PPP4R3B: variants seen among roughly 807,000 people sequenced by gnomAD.
PPP4R3B encodes protein phosphatase 4 regulatory subunit 3B.
A neutral mutation model predicts 95.4 loss-of-function variants in PPP4R3B; 52 were observed. That is an observed-to-expected ratio of 0.54 (90% CI 0.44 to 0.69). PPP4R3B has a LOEUF of 0.69. Among genes scored for constraint, PPP4R3B ranks in the 30% least tolerant of loss-of-function variants. The pLI is 0.00. For missense variants in PPP4R3B, 1,003 were observed against 1,005.9 expected, an observed-to-expected ratio of 1.00 and a Z score of 0.04; for synonymous variants, 407 against 343.9, an observed-to-expected ratio of 1.18 and a Z score of -2.03.
At chr2:55,563,795 A>T (rs1178052200) in intron 15 of PPP4R3B, among the ~76,000 whole-genome samples, 1 of 152,204 alleles carries the variant, frequency 6.6e-6, no homozygotes, top group Non-Finnish European at 1.5e-5. Context: ...TACTAGCAAG[A>T]TCTTCATTTT....
chr2:55,555,946 T>C (rs898636481), intron 16 of PPP4R3B, among the ~76,000 whole-genome samples: 11 of 152,254 alleles, frequency 7.2e-5, no homozygotes. Flanking sequence ...AAATATACGT[T>C]TTACAGTTAC....
In PPP4R3B at chr2:55,557,594, A is replaced by T. The variant is rs956519321; in HGVS notation, c.2454+1181T>A. Among the ~76,000 whole-genome samples, 5 of 152,228 alleles carry T rather than the reference A, an allele frequency of 3.3e-5. No homozygotes were observed. In the South Asian group the frequency reaches 8.3e-4, roughly 25 times the overall value. On this transcript the variant is annotated intron_variant, in intron 16 of 16. Transcript: ENST00000616407. Reference sequence around the variant, plus strand: ...ATAAAATATGTTTCAAATACCGAATACCATGAAAATGCTATTGTCAAGAGC... The same window carrying T: ...ATAAAATATGTTTCAAATACCGAATTCCATGAAAATGCTATTGTCAAGAGC...
At chr2:55,576,739 TAAAC>T (rs2104148096) in intron 11 of PPP4R3B, among the ~76,000 whole-genome samples, 1 of 152,302 alleles carries the variant, frequency 6.6e-6, no homozygotes, top group South Asian at 2.1e-4. Flanking sequence ...ACTACAGTGT[TAAAC>T]AAATGTCTTG....
rs1689688128 is a variant in PPP4R3B at position 55,583,404 on chromosome 2, G to GA, written c.1233+1646dup. Among the ~76,000 whole-genome samples, 7 of 152,166 alleles carry GA rather than the reference G, an allele frequency of 4.6e-5. No individual in the cohort carries two copies. The South Asian group carries it at 8.3e-4, about 18-fold the overall frequency. On this transcript the variant is annotated intron_variant, in intron 7 of 16. Coordinates refer to ENST00000616407, the MANE Select transcript of PPP4R3B (RefSeq NM_001122964.3). ...CACTGAGAAAGGATCTTTTCACAGT[G>GA]AAAAAATCAATCACTGCTTTTCTAA... is the stretch of plus-strand genomic sequence containing the variant.
At position 55,581,620 on chromosome 2, in the gene PPP4R3B, T is replaced by C. The variant is rs375242773; in HGVS notation, c.1312A>G (p.Met438Val). 6.8e-6 allele frequency: 11 copies of C among 1,613,708 alleles called. No homozygotes were observed. Among genetic ancestry groups the C allele is most frequent in the African/African-American group, 2.7e-5 (2 of 74,910 alleles). ...DPELGGAVQL[M>V]GLLRTLIDPE... The stretch of plus-strand genomic sequence containing the variant: ...TCAATTAGAGTACGAAGAAGTCCCA[T>C]TAACTGAACAGCGCCTCCTAGCTCA... Residue 438 changes from methionine to valine, a missense_variant, in exon 8 of 17, where the codon ATG becomes GTG. By Grantham distance (21) the Met-to-Val change is conservative (BLOSUM62 1). Coordinates refer to ENST00000616407, the MANE Select transcript of PPP4R3B (RefSeq NM_001122964.3).
At chr2:55,558,533 G>A (rs971463015) in intron 16 of PPP4R3B, among the ~76,000 whole-genome samples, 2 of 151,998 alleles carry the variant, frequency 1.3e-5, no homozygotes, top group Admixed American at 1.3e-4. Flanking sequence ...GCTTGAACCC[G>A]GGAGGCGGAG....
intron 7 of PPP4R3B, among the ~76,000 whole-genome samples, chr2:55,583,400 C>A (rs932792267): frequency 3.9e-5 from 6 of 151,948 alleles, no homozygotes; most frequent in Non-Finnish European, 8.8e-5. Flanking sequence ...GATCTTTTCA[C>A]AGTGAAAAAA....
At chr2:55,556,031 A>C (rs1355549778) in intron 16 of PPP4R3B, among the ~76,000 whole-genome samples, 2 of 152,252 alleles carry the variant, frequency 1.3e-5, no homozygotes, top group Admixed American at 6.5e-5. Flanking sequence ...TTAGTAGCTA[A>C]TGTCTAGCCA....
chr2:55,600,426 CAA>C (rs60764774), intron 3 of PPP4R3B, among the ~76,000 whole-genome samples: 1,218 of 21,658 alleles, frequency 0.056, 17 homozygotes, highest in African/African-American at 0.14. Flanking sequence ...AACTCTGTCT[CAA>C]AAAAAAAAAA....
chr2:55,591,663 T>C (rs950783748), intron 4 of PPP4R3B: 3 of 984,780 alleles, frequency 3.0e-6, no homozygotes, highest in Non-Finnish European at 2.4e-6. Flanking sequence ...ATTCTTCTTA[T>C]ATGATTCGGT....
chr2:55,592,511 A>G (rs930923936), intron 4 of PPP4R3B, among the ~76,000 whole-genome samples: 10 of 152,146 alleles, frequency 6.6e-5, no homozygotes, highest in Admixed American at 2.0e-4. Flanking sequence ...GAAAAGCCCT[A>G]TTACTCTAAA....
chr2:55,579,953 A>T (rs1689221170), intron 8 of PPP4R3B, among the ~76,000 whole-genome samples, 172 bp from the exon 9 acceptor site: 1 of 152,170 alleles, frequency 6.6e-6, no homozygotes, highest in South Asian at 2.1e-4. Context: ...ACACTTGGTT[A>T]TACGTTGTCA....
At position 55,558,947 on chromosome 2, in the gene PPP4R3B, T is replaced by C; in HGVS notation, c.2282A>G (p.Glu761Gly). ...AGGAGATGTCCTTTTGGGAAGGTTT[T>C]CCTTGTCTTCACTTTCTTTTGCTAA... ...TKKAKESEDK[E>G]NLPKRTSPGG... is the part of the protein sequence containing the mutation. The change falls in exon 16 of 17, where the codon GAA (glutamate) becomes GGA (glycine). Residue 761 changes from glutamate (E) to glycine (G), a missense_variant. Physicochemically the swap from Glu to Gly is moderately conservative, Grantham distance 98 (BLOSUM62 -2). Transcript: ENST00000616407. 6.2e-7 allele frequency: 1 copy of C among 1,609,268 alleles called. No individual in the cohort carries two copies.
chr2:55,600,243 A>C (rs1692352795), intron 3 of PPP4R3B, among the ~76,000 whole-genome samples: 1 of 152,098 alleles, frequency 6.6e-6, no homozygotes, highest in Non-Finnish European at 1.5e-5. Flanking sequence ...CCTGACCAAC[A>C]TGGAGAAACC....
chr2:55,615,638 G>C (rs1417552466), intron 1 of PPP4R3B, 132 bp from the exon 2 acceptor site: 3 of 568,316 alleles, frequency 5.3e-6, no homozygotes, highest in South Asian at 2.1e-5. Context: ...GGCAGATCAC[G>C]AGGTCAAGAG....
chr2:55,613,343 T>C (rs1442628411), intron 2 of PPP4R3B, among the ~76,000 whole-genome samples: 1 of 147,218 alleles, frequency 6.8e-6, no homozygotes, highest in Non-Finnish European at 1.5e-5. Flanking sequence ...TACACCTGAA[T>C]GTTATGTTGC....
At chr2:55,602,503 G>A (rs758848109) in intron 3 of PPP4R3B, among the ~76,000 whole-genome samples, 6 of 152,196 alleles carry the variant, frequency 3.9e-5, no homozygotes. Context: ...TGTGGTGGGG[G>A]CCTTGGACCA....
At chr2:55,597,098 T>G (rs960532905) in intron 4 of PPP4R3B, among the ~76,000 whole-genome samples, 4 of 152,188 alleles carry the variant, frequency 2.6e-5, no homozygotes, top group African/African-American at 9.7e-5. Flanking sequence ...TCAGAGTTTC[T>G]GTTTGGGATG....
intron 8 of PPP4R3B, among the ~76,000 whole-genome samples, chr2:55,580,117 T>A (rs565055194): frequency 6.6e-6 from 1 of 152,258 alleles, no homozygotes; most frequent in South Asian, 2.1e-4. Flanking sequence ...TTCAAAATAA[T>A]TTTTTAAAAA....
Sources: gnomAD v4.1 joint callset for allele counts (sites outside exome capture counted in the v4.1 genomes callset) on GRCh38, gnomAD v4.1.1 for gene constraint, MANE v1.5 for transcripts, NCBI Gene and HGNC (gene_info 2026-07-23, HGNC 2026-07-21) for gene names.